The following SORCS3 variants were observed in gnomAD, a reference collection of about 807,000 sequenced individuals.
SORCS3 encodes the protein VPS10 domain-containing receptor SorCS3.
In SORCS3, 57 loss-of-function variants were observed where a neutral mutation model predicts 146.3. The ratio of observed to expected loss-of-function variants is 0.39; its 90% CI spans 0.31 to 0.49. The LOEUF (loss-of-function observed/expected upper bound fraction) is 0.49. SORCS3 is among the 20% of genes least tolerant of loss of function. SORCS3 has a pLI of 0.92. For synonymous variants in SORCS3, 653 were observed against 618.5 expected, an observed-to-expected ratio of 1.06 and a Z score of -0.83; for missense variants, 1,341 against 1,575.5, an observed-to-expected ratio of 0.85 and a Z score of 2.52.
At chr10:104,785,087 C>G (rs540861649) in intron 1 of SORCS3, among the ~76,000 whole-genome samples, 5 of 152,096 alleles carry the variant, frequency 3.3e-5, no homozygotes, top group African/African-American at 9.7e-5. Context: ...CTGACCCCCC[C>G]CCACCTCCCT....
At chr10:105,029,940 T>C (rs2055253900) in intron 4 of SORCS3, among the ~76,000 whole-genome samples, 1 of 152,184 alleles carries the variant, frequency 6.6e-6, no homozygotes, top group Admixed American at 6.5e-5. Context: ...ACCCACTGAA[T>C]TGGATTTTCT....
intron 3 of SORCS3, among the ~76,000 whole-genome samples, chr10:104,949,843 GATT>G (rs1174626913): frequency 6.6e-6 from 1 of 152,254 alleles, no homozygotes; most frequent in Non-Finnish European, 1.5e-5. Context: ...TTCAGTTGCA[GATT>G]ATTAGCCACT....
chr10:105,086,746 C>A (rs2055663323), intron 5 of SORCS3, among the ~76,000 whole-genome samples: 1 of 152,174 alleles, frequency 6.6e-6, no homozygotes, highest in Non-Finnish European at 1.5e-5. Flanking sequence ...TGAGAAACTT[C>A]TAATCCTGAG....
At chr10:105,200,825 A>T (rs1589685511) in intron 15 of SORCS3, among the ~76,000 whole-genome samples, 1 of 152,178 alleles carries the variant, frequency 6.6e-6, no homozygotes. Context: ...GTCTGCAAAG[A>T]TGCCTGGAGT....
At chr10:104,755,002 G>T (rs1306600816) in intron 1 of SORCS3, among the ~76,000 whole-genome samples, 1 of 152,206 alleles carries the variant, frequency 6.6e-6, no homozygotes, top group Non-Finnish European at 1.5e-5. Flanking sequence ...ATTAGAAAAG[G>T]TGCAATTGAA....
At chr10:104,644,087 C>G (rs535580614) in intron 1 of SORCS3, among the ~76,000 whole-genome samples, 1 of 152,316 alleles carries the variant, frequency 6.6e-6, no homozygotes, top group African/African-American at 2.4e-5. Context: ...GGGGAAATGA[C>G]TCTTCAGTCA....
chr10:105,199,000 G>C (rs1307813918), intron 14 of SORCS3, among the ~76,000 whole-genome samples: 1 of 152,126 alleles, frequency 6.6e-6, no homozygotes, highest in Non-Finnish European at 1.5e-5. Context: ...CCCAGGAAGA[G>C]AGTTAATCTT....
chr10:105,159,970 G>A (rs1399702794), intron 11 of SORCS3, among the ~76,000 whole-genome samples: 1 of 152,184 alleles, frequency 6.6e-6, no homozygotes, highest in African/African-American at 2.4e-5. Context: ...AGCCCACTAT[G>A]CTTAATACCA....
intron 3 of SORCS3, among the ~76,000 whole-genome samples, chr10:104,959,550 G>A (rs1484650186): frequency 5.3e-5 from 8 of 152,134 alleles, no homozygotes; most frequent in African/African-American, 1.7e-4. Flanking sequence ...GAAGTGATGG[G>A]TATGCATAAG....
At position 104,972,763 on chromosome 10, in the gene SORCS3, G is replaced by A. The variant is rs532145946; in HGVS notation, c.796-4572G>A. Among the ~76,000 whole-genome samples the A allele has an allele frequency of 1.3e-4, 20 of 152,220 alleles. No individual in the cohort carries two copies. The East Asian group carries it at 3.5e-3, about 27-fold the overall frequency. Reference sequence around the variant, plus strand: ...AGGAGTGTTGAGAGAGGGCATCCCTGTCTTGTGCCAGTTTTCAAAGGGAAT... The same window carrying A: ...AGGAGTGTTGAGAGAGGGCATCCCTATCTTGTGCCAGTTTTCAAAGGGAAT... On this transcript the variant is annotated intron_variant, in intron 3 of 26. Coordinates refer to ENST00000369701, the MANE Select transcript of SORCS3 (RefSeq NM_014978.3).
chr10:104,712,368 C>T (rs562692547), intron 1 of SORCS3, among the ~76,000 whole-genome samples: 6 of 152,326 alleles, frequency 3.9e-5, no homozygotes, highest in Non-Finnish European at 7.3e-5. Flanking sequence ...GTCTATTTAA[C>T]GATTCTCTGT....
At chr10:104,761,611 C>T (rs2133476856) in intron 1 of SORCS3, among the ~76,000 whole-genome samples, 1 of 152,256 alleles carries the variant, frequency 6.6e-6, no homozygotes. Flanking sequence ...TATCCAAGAT[C>T]CTGAATGGAT....
At chr10:104,752,533 G>C (rs1316536872) in intron 1 of SORCS3, among the ~76,000 whole-genome samples, 1 of 152,172 alleles carries the variant, frequency 6.6e-6, no homozygotes, top group African/African-American at 2.4e-5. Flanking sequence ...CAGTTTTACT[G>C]TGGGCTGGGC....
intron 20 of SORCS3, among the ~76,000 whole-genome samples, chr10:105,238,431 T>A (rs1302480760): frequency 1.3e-5 from 2 of 151,916 alleles, no homozygotes; most frequent in Non-Finnish European, 2.9e-5. Flanking sequence ...ATGGAGTGAG[T>A]GAGTCATATA....
At chr10:104,889,553 T>G (rs1339456147) in intron 2 of SORCS3, among the ~76,000 whole-genome samples, 1 of 151,846 alleles carries the variant, frequency 6.6e-6, no homozygotes, top group East Asian at 1.9e-4. Context: ...GGGTTTATAG[T>G]ACACATCTTT....
intron 18 of SORCS3, among the ~76,000 whole-genome samples, chr10:105,216,510 A>G (rs554771070): frequency 6.6e-6 from 1 of 152,256 alleles, no homozygotes; most frequent in South Asian, 2.1e-4. Context: ...ACTTTCTATA[A>G]TATGGAATTA....
chr10:104,697,507 G>A lies in SORCS3; in HGVS notation c.627+55553G>A, dbSNP rs538776550. Among the ~76,000 whole-genome samples, 4 of 152,282 alleles carry A rather than the reference G, an allele frequency of 2.6e-5. No homozygotes were observed. In the East Asian group the frequency reaches 7.7e-4, roughly 29 times the overall value. ...CGAGAAATTGCTTAGGTCTGATGGT[G>A]TATTTACTGGGTCTTCTTGTCATTC... On this transcript the variant is annotated intron_variant, in intron 1 of 26. Transcript: ENST00000369701.
intron 1 of SORCS3, among the ~76,000 whole-genome samples, chr10:104,679,437 G>A (rs1387543764): frequency 1.3e-5 from 2 of 152,152 alleles, no homozygotes; most frequent in Non-Finnish European, 2.9e-5. Context: ...CATAACACTG[G>A]GAGGTTAGTA....
chr10:104,911,573 C>T (rs2018968112), intron 2 of SORCS3, among the ~76,000 whole-genome samples: 2 of 152,142 alleles, frequency 1.3e-5, no homozygotes, highest in Admixed American at 1.3e-4. Context: ...TCTTCTAAGA[C>T]TTTTGCTATA....
Sources: allele counts gnomAD v4.1 joint callset (sites outside exome capture counted in the v4.1 genomes callset), GRCh38; gene constraint gnomAD v4.1.1; transcripts MANE v1.5; gene names NCBI Gene and HGNC (gene_info 2026-07-23, HGNC 2026-07-21).